The following CORIN variants were observed in gnomAD, a reference collection of about 807,000 sequenced individuals.
The protein encoded by CORIN is atrial natriuretic peptide-converting enzyme.
A neutral mutation model predicts 125.3 loss-of-function variants in CORIN; 117 were observed. The observed-to-expected ratio is 0.93, with a 90% confidence interval of 0.80 to 1.09. The LOEUF is 1.09. CORIN is among the 50% of genes least tolerant of loss of function. The pLI, the probability that CORIN is intolerant of heterozygous loss-of-function variation, is 0.00. For synonymous variants in CORIN, 450 were observed against 466.4 expected (o/e 0.96, Z 0.45); for missense variants, 1,253 against 1,306.7 (o/e 0.96, Z 0.63).
intron 5 of CORIN, among the ~76,000 whole-genome samples, chr4:47,726,057 C>G (rs573633390): frequency 3.9e-4 from 59 of 152,114 alleles, no homozygotes; most frequent in Non-Finnish European, 8.1e-4. Flanking sequence ...CTTCTACACA[C>G]CTATTAGAGT....
intron 21 of CORIN, among the ~76,000 whole-genome samples, chr4:47,599,002 AT>A (rs1721351924): frequency 6.6e-6 from 1 of 152,208 alleles, no homozygotes; most frequent in Non-Finnish European, 1.5e-5. Context: ...TGAGAAAGCT[AT>A]CTAGAGAGGT....
chr4:47,719,369 C>G (rs927773823), intron 5 of CORIN, among the ~76,000 whole-genome samples: 1 of 152,078 alleles, frequency 6.6e-6, no homozygotes, highest in African/African-American at 2.4e-5. Context: ...AGCAGGCTCT[C>G]CGTACATATT....
chr4:47,706,325 A>G, intron 5 of CORIN: 1 of 1,413,472 alleles, frequency 7.1e-7, no homozygotes. Context: ...CAAGAAAACT[A>G]CCAACTTTTG....
chr4:47,669,512 T>C (rs146126038), intron 10 of CORIN, among the ~76,000 whole-genome samples: 2 of 151,870 alleles, frequency 1.3e-5, no homozygotes, highest in Non-Finnish European at 1.5e-5. Context: ...AAACCTTCCA[T>C]ATATCTTGTC....
chr4:47,642,397 C>G (rs955546453), intron 15 of CORIN, among the ~76,000 whole-genome samples: 1 of 152,234 alleles, frequency 6.6e-6, no homozygotes, highest in East Asian at 1.9e-4. Flanking sequence ...AAATCTATTT[C>G]TATCATTTCC....
intron 1 of CORIN, among the ~76,000 whole-genome samples, chr4:47,807,467 T>C (rs1402199667): frequency 6.6e-6 from 1 of 152,176 alleles, no homozygotes; most frequent in Non-Finnish European, 1.5e-5. Flanking sequence ...TATCCAGACT[T>C]CATTCTTTTT....
At chr4:47,596,956 A>G (rs957353194) in intron 21 of CORIN, among the ~76,000 whole-genome samples, 1 of 152,176 alleles carries the variant, frequency 6.6e-6, no homozygotes. Context: ...ATTCATTGGC[A>G]GAGGCTAGAT....
chr4:47,819,027 T>C (rs1056908197), intron 1 of CORIN, among the ~76,000 whole-genome samples: 1 of 152,126 alleles, frequency 6.6e-6, no homozygotes, highest in African/African-American at 2.4e-5. Context: ...TTATTATAGG[T>C]GAGTACATAA....
chr4:47,796,459 G>A (rs1202611154), intron 2 of CORIN, among the ~76,000 whole-genome samples: 1 of 152,032 alleles, frequency 6.6e-6, no homozygotes, highest in Non-Finnish European at 1.5e-5. Context: ...AGGGTATAAA[G>A]TTTCAGTAAT....
rs142772857 is a variant in CORIN at position 47,823,218 on chromosome 4, G to T, written c.63+14669C>A. Among the ~76,000 whole-genome samples the T allele has an allele frequency of 4.9e-4, 75 of 152,162 alleles. 1 individual carries two copies. Among genetic ancestry groups the T allele is most frequent in the Admixed American group, 2.2e-3 (34 of 15,286 alleles). ...CATAATTTACTTAGATCCTCAATTT[G>T]CCCTCCATTTGGCCAATGGAAGTTC... is the stretch of plus-strand genomic sequence containing the variant. On this transcript the variant is annotated intron_variant, in intron 1 of 21. Coordinates refer to ENST00000273857, the MANE Select transcript of CORIN (RefSeq NM_006587.4).
chr4:47,663,636 T>C (rs879503509), intron 11 of CORIN, among the ~76,000 whole-genome samples: 1 of 152,176 alleles, frequency 6.6e-6, no homozygotes, highest in Non-Finnish European at 1.5e-5. Flanking sequence ...TTCACATTTA[T>C]ATTTATAGCA....
chr4:47,794,736 C>T (rs896588966), intron 2 of CORIN, among the ~76,000 whole-genome samples: 12 of 151,962 alleles, frequency 7.9e-5, no homozygotes, highest in African/African-American at 2.9e-4. Flanking sequence ...TATAGGACTC[C>T]CTGCCACATA....
At chr4:47,672,790 G>A (rs562274722) in intron 10 of CORIN, among the ~76,000 whole-genome samples, 2 of 152,000 alleles carry the variant, frequency 1.3e-5, no homozygotes, top group Non-Finnish European at 2.9e-5. Context: ...CTCTCATATG[G>A]GAAATGGAGG....
intron 2 of CORIN, among the ~76,000 whole-genome samples, chr4:47,805,079 T>A (rs76440466): frequency 1.4e-5 from 2 of 145,316 alleles, no homozygotes; most frequent in Non-Finnish European, 3.0e-5. Context: ...GAGCTTGCAG[T>A]GAGCCGAGAT....
chr4:47,690,074 G>A (rs1486562664), intron 6 of CORIN, among the ~76,000 whole-genome samples: 1 of 152,196 alleles, frequency 6.6e-6, no homozygotes, highest in Non-Finnish European at 1.5e-5. Flanking sequence ...GACAAAACCA[G>A]TTAGGGGAGA....
At chr4:47,834,582 G>A (rs1490075643) in intron 1 of CORIN, among the ~76,000 whole-genome samples, 1 of 152,164 alleles carries the variant, frequency 6.6e-6, no homozygotes, top group South Asian at 2.1e-4. Context: ...AATTTGCTAG[G>A]TGGGTAGATC....
At chr4:47,757,835 G>T (rs1454747660) in intron 4 of CORIN, among the ~76,000 whole-genome samples, 3 of 142,894 alleles carry the variant, frequency 2.1e-5, no homozygotes, top group African/African-American at 7.9e-5. Flanking sequence ...ATAATCAGGA[G>T]AATGATTGAA....
At chr4:47,623,868 T>C (rs1560477274) in intron 18 of CORIN, 31 bp downstream of exon 18, 3 of 1,609,748 alleles carry the variant, frequency 1.9e-6, no homozygotes, top group South Asian at 1.1e-5. Context: ...ATTAAGTTCA[T>C]ATCCCATTGC....
chr4:47,726,112 C>T (rs1332609390), intron 5 of CORIN, among the ~76,000 whole-genome samples: 5 of 152,024 alleles, frequency 3.3e-5, no homozygotes, highest in East Asian at 1.9e-4. Context: ...ATACCAAGTA[C>T]TGGTGAAGAT....
Sources: allele counts gnomAD v4.1 joint callset (sites outside exome capture counted in the v4.1 genomes callset), GRCh38; gene constraint gnomAD v4.1.1; transcripts MANE v1.5; gene names NCBI Gene and HGNC (gene_info 2026-07-23, HGNC 2026-07-21).